DPP10: variants seen among roughly 807,000 people sequenced by gnomAD.
The protein encoded by DPP10 is inactive dipeptidyl peptidase 10.
A neutral mutation model predicts 120.9 loss-of-function variants in DPP10; 33 were observed. The ratio of observed to expected loss-of-function variants is 0.27; its 90% CI spans 0.21 to 0.37. The LOEUF is 0.37. Ranked by LOEUF, DPP10 falls within the 10% of genes least tolerant of loss-of-function variation. The pLI is 1.00. For missense variants in DPP10, 816 were observed against 942.8 expected, an observed-to-expected ratio of 0.87 and a Z score of 1.76; for synonymous variants, 337 against 326.1, an observed-to-expected ratio of 1.03 and a Z score of -0.36.
At chr2:114,543,037 G>A (rs549224367) in intron 1 of DPP10, among the ~76,000 whole-genome samples, 4 of 152,278 alleles carry the variant, frequency 2.6e-5, no homozygotes, top group South Asian at 2.1e-4. Context: ...TTTAAATTAC[G>A]TTTTCACCAC....
intron 19 of DPP10, among the ~76,000 whole-genome samples, chr2:115,811,858 T>C (rs1686685022): frequency 6.6e-6 from 1 of 152,230 alleles, no homozygotes; most frequent in Non-Finnish European, 1.5e-5. Context: ...ATATTGTGCA[T>C]TTAATTACTG....
chr2:115,410,835 C>T (rs2068898003), intron 3 of DPP10, among the ~76,000 whole-genome samples: 1 of 152,160 alleles, frequency 6.6e-6, no homozygotes, highest in South Asian at 2.1e-4. Flanking sequence ...ATTAAAATCA[C>T]ATAATTCTTA....
At chr2:114,625,188 A>G (rs1237815867) in intron 1 of DPP10, among the ~76,000 whole-genome samples, 1 of 151,808 alleles carries the variant, frequency 6.6e-6, no homozygotes, top group Non-Finnish European at 1.5e-5. Flanking sequence ...TGAAATTTTT[A>G]TTTTGTTGTT....
intron 2 of DPP10, among the ~76,000 whole-genome samples, chr2:115,338,731 A>C (rs1185801378): frequency 6.6e-6 from 1 of 152,200 alleles, no homozygotes; most frequent in African/African-American, 2.4e-5. Context: ...ACACAAAACA[A>C]AATAAACCAG....
intron 3 of DPP10, among the ~76,000 whole-genome samples, chr2:115,431,157 G>T (rs571412894): frequency 6.6e-6 from 1 of 152,306 alleles, no homozygotes; most frequent in East Asian, 1.9e-4. Flanking sequence ...AGGGATCCAG[G>T]AATTCTGTGA....
chr2:115,486,020 T>A (rs990249166), intron 3 of DPP10, among the ~76,000 whole-genome samples: 1 of 152,256 alleles, frequency 6.6e-6, no homozygotes, highest in Non-Finnish European at 1.5e-5. Flanking sequence ...ATGTTCATGA[T>A]TGCCACTGTG....
intron 1 of DPP10, among the ~76,000 whole-genome samples, chr2:115,159,668 C>T (rs901650282): frequency 1.3e-5 from 2 of 152,060 alleles, no homozygotes; most frequent in African/African-American, 4.8e-5. Flanking sequence ...AAATAACAAC[C>T]CATCCCCAAG....
chr2:114,467,037 C>A (rs1249246419), intron 1 of DPP10, among the ~76,000 whole-genome samples: 29 of 136,700 alleles, frequency 2.1e-4, no homozygotes, highest in South Asian at 4.9e-4. Flanking sequence ...ACTCCATATC[C>A]AAAAAAAAAA....
chr2:115,189,796 G>A (rs530615584), intron 1 of DPP10, among the ~76,000 whole-genome samples: 2 of 152,190 alleles, frequency 1.3e-5, no homozygotes, highest in East Asian at 1.9e-4. Flanking sequence ...CACAACACCC[G>A]AGAAGAACGA....
intron 1 of DPP10, among the ~76,000 whole-genome samples, chr2:115,183,772 T>C (rs950827626): frequency 6.6e-6 from 1 of 151,900 alleles, no homozygotes; most frequent in African/African-American, 2.4e-5. Flanking sequence ...ACAGAGAAAA[T>C]CTAGAGTGAG....
chr2:115,127,385 C>T (rs542102475), intron 1 of DPP10, among the ~76,000 whole-genome samples: 1 of 152,318 alleles, frequency 6.6e-6, no homozygotes, highest in East Asian at 1.9e-4. Context: ...CTAGCAGCTA[C>T]TGCTGCAGTA....
intron 1 of DPP10, among the ~76,000 whole-genome samples, chr2:115,012,484 A>C (rs907584118): frequency 1.3e-5 from 2 of 152,188 alleles, no homozygotes; most frequent in East Asian, 3.9e-4. Flanking sequence ...CAGCTGCAAG[A>C]CCTGAAGGTG....
chr2:115,044,195 C>G (rs10188517), intron 1 of DPP10, among the ~76,000 whole-genome samples: 147,241 of 152,124 alleles, frequency 0.97, 71,466 homozygotes, highest in Middle Eastern at 1. Flanking sequence ...TTGACTCACG[C>G]TTCTGCAGGC....
chr2:115,700,393 TA>T (rs940894671), intron 7 of DPP10, among the ~76,000 whole-genome samples: 3 of 150,512 alleles, frequency 2.0e-5, no homozygotes, highest in Middle Eastern at 3.5e-3. Flanking sequence ...CTTATATGAC[TA>T]AAAAAAAACA....
intron 5 of DPP10, among the ~76,000 whole-genome samples, chr2:115,575,385 G>C (rs900338577): frequency 6.6e-6 from 1 of 152,178 alleles, no homozygotes; most frequent in African/African-American, 2.4e-5. Context: ...GTGAGGAGTC[G>C]TTCTCCTCTG....
chr2:115,675,809 T>C (rs1287466386), intron 5 of DPP10, among the ~76,000 whole-genome samples: 1 of 152,150 alleles, frequency 6.6e-6, no homozygotes, highest in Non-Finnish European at 1.5e-5. Context: ...TGCAGCACAA[T>C]GACATTTTGA....
intron 1 of DPP10, among the ~76,000 whole-genome samples, chr2:114,923,170 C>G (rs1010468336): frequency 1.1e-4 from 17 of 150,740 alleles, no homozygotes; most frequent in Admixed American, 6.6e-5. Context: ...TTTTCCCATT[C>G]TGTATTTTTT....
rs1197636334 is a variant in DPP10 at position 114,442,746 on chromosome 2, C to T, written c.-33C>T. 4.3e-6 allele frequency: 7 copies of T among 1,612,514 alleles called. No individual in the cohort carries two copies. The highest frequency in any genetic ancestry group is 2.2e-5 in the East Asian group (1 of 44,768). ...ATCTCTAGTTCATTCTGGAACTCCG[C>T]CTGGGATTGTGCACTGTCCAGGGTC... is the stretch of plus-strand genomic sequence containing the variant. On this transcript the variant is annotated 5_prime_UTR_variant, in exon 1 of 26. Coordinates refer to ENST00000410059, the MANE Select transcript of DPP10 (RefSeq NM_020868.6).
intron 3 of DPP10, among the ~76,000 whole-genome samples, chr2:115,412,548 A>G (rs917885769): frequency 6.6e-6 from 1 of 152,210 alleles, no homozygotes; most frequent in Non-Finnish European, 1.5e-5. Flanking sequence ...TTTTCATTAG[A>G]ATTCTTGCAG....
Sources: allele counts gnomAD v4.1 joint callset (sites outside exome capture counted in the v4.1 genomes callset), GRCh38; gene constraint gnomAD v4.1.1; transcripts MANE v1.5; gene names NCBI Gene and HGNC (gene_info 2026-07-23, HGNC 2026-07-21).